MFSD6: variants seen among roughly 807,000 people sequenced by gnomAD.
MFSD6 encodes major facilitator superfamily domain-containing protein 6.
In MFSD6, 26 loss-of-function variants were observed where a neutral mutation model predicts 56.3. That is an observed-to-expected ratio of 0.46 (90% CI 0.34 to 0.64). The LOEUF is 0.64. Ranked by LOEUF, MFSD6 falls within the 30% of genes least tolerant of loss-of-function variation. The probability of loss-of-function intolerance (pLI) is 0.01; values close to 1 mark genes in which losing one functional copy is unlikely to be tolerated. For missense variants in MFSD6, 750 were observed against 986.2 expected (o/e 0.76, Z 3.21); for synonymous variants, 331 against 366.9 (o/e 0.90, Z 1.12).
chr2:190,411,075 C>G, intron 1 of MFSD6: 3 of 972,166 alleles, frequency 3.1e-6, no homozygotes, highest in Non-Finnish European at 3.7e-6. Context: ...AAAAAAAAAA[C>G]TAGCTTCAGA....
At position 190,465,596 on chromosome 2, in the gene MFSD6, T is replaced by A. The variant is rs1204063484; in HGVS notation, c.1533-4162T>A. 1.3e-5 allele frequency among the ~76,000 whole-genome samples: 2 copies of A among 152,230 alleles called. No individual in the cohort carries two copies. Among genetic ancestry groups the A allele is most frequent in the Non-Finnish European group, 2.9e-5 (2 of 68,044 alleles). On this transcript the variant is annotated intron_variant, in intron 3 of 7. Transcript: ENST00000392328. This position sits in a 1 kb window ranked among gnomAD's most constrained non-coding sequence, Gnocchi z 4.6. Reference sequence around the variant, plus strand: ...GTCTAGAAAATGATCCAGTAAAATATGCTTTAAATTCCTTTATATTAGCAA... The same window carrying A: ...GTCTAGAAAATGATCCAGTAAAATAAGCTTTAAATTCCTTTATATTAGCAA...
rs1686177305 is a variant in MFSD6, at chr2:190,436,414, A to T, written c.385A>T (p.Lys129Ter). 1 of 1,614,022 alleles carries T rather than the reference A, an allele frequency of 6.2e-7. No individual in the cohort carries two copies. Among genetic ancestry groups the T allele is most frequent in the African/African-American group, 1.3e-5 (1 of 74,898 alleles). ...TTGGGGTGTAGTTGCAGACCGCTTTAAAAAAGGCAAAATTGTCCTCCTCTT... is the reference window on the plus strand; with the variant it reads ...TTGGGGTGTAGTTGCAGACCGCTTTTAAAAAGGCAAAATTGTCCTCCTCTT... The part of the protein sequence containing the change: ...PFWGVVADRF[K>*]KGKIVLLFSL... The change falls in exon 3 of 8, where the codon AAA (lysine) becomes TAA (stop). Residue 129 changes from lysine (K) to a stop codon, truncating the protein, a stop_gained. Transcript: ENST00000392328. LOFTEE classifies it high-confidence loss of function. This position sits in a 1 kb window ranked among gnomAD's most constrained non-coding sequence, Gnocchi z 5.3.
At chr2:190,493,071 TA>T in intron 6 of MFSD6, among the ~76,000 whole-genome samples, 2 of 152,214 alleles carry the variant, frequency 1.3e-5, no homozygotes. Flanking sequence ...ATGCTCCACT[TA>T]AAAGATACAG....
intron 3 of MFSD6, among the ~76,000 whole-genome samples, chr2:190,440,179 T>C (rs1686320152): frequency 6.6e-6 from 1 of 152,208 alleles, no homozygotes; most frequent in Admixed American, 6.5e-5. Flanking sequence ...AAATTCTTCA[T>C]CTAGAGTAAT....
chr2:190,481,964 G>A (rs920500448), intron 4 of MFSD6, among the ~76,000 whole-genome samples: 4 of 152,134 alleles, frequency 2.6e-5, no homozygotes, highest in East Asian at 1.9e-4. Context: ...CCTTTTCTTC[G>A]TGGACATGCA....
At position 190,501,066 on chromosome 2, in the gene MFSD6, A is replaced by G. The variant is rs1559149183; in HGVS notation, c.*848A>G. ...AGCCTCTCTCGCTATTTACTATCTT[A>G]TAGTAATTCAGGCTCTAATTAGCTG... On this transcript the variant is annotated 3_prime_UTR_variant, in exon 8 of 8. Transcript: ENST00000392328. The G allele has an allele frequency of 6.6e-6, 1 of 152,236 alleles. No individual in the cohort carries two copies. 9.4% of individuals were successfully genotyped at this position (152,236 alleles called of 1,614,324 possible).
chr2:190,427,635 T>C (rs1345977691), intron 2 of MFSD6, among the ~76,000 whole-genome samples: 1 of 152,236 alleles, frequency 6.6e-6, no homozygotes, highest in Non-Finnish European at 1.5e-5. Flanking sequence ...ATGTTTACTT[T>C]ATATATTATT....
At position 190,413,990 on chromosome 2, in the gene MFSD6, A is replaced by C. The variant is rs974750405; in HGVS notation, c.-175-1302A>C. ...TTAAGGTAGAACATACTTGGCCTCA[A>C]GGTACTTGGCTCAAGGTAGAGCAAA... On this transcript the variant is annotated intron_variant, in intron 1 of 7. Coordinates refer to ENST00000392328, the MANE Select transcript of MFSD6 (RefSeq NM_017694.4). The surrounding 1 kb of genome is among the most constrained non-coding windows in gnomAD (Gnocchi z 4.1). Among the ~76,000 whole-genome samples, 1 of 152,184 alleles carries C rather than the reference A, an allele frequency of 6.6e-6. No homozygotes were observed. Among genetic ancestry groups the C allele is most frequent in the African/African-American group, 2.4e-5 (1 of 41,450 alleles).
rs1292257471 is a variant in MFSD6 at position 190,426,558 on chromosome 2, T to C, written c.-53-9419T>C. Reference sequence around the variant, plus strand: ...TATTGTGTAGTTGTGGGGATTGGGCTTCTGCTGTACCCATCACCCAAATAT... The same window carrying C: ...TATTGTGTAGTTGTGGGGATTGGGCCTCTGCTGTACCCATCACCCAAATAT... On this transcript the variant is annotated intron_variant, in intron 2 of 7. Coordinates refer to ENST00000392328, the MANE Select transcript of MFSD6 (RefSeq NM_017694.4). This position sits in a 1 kb window ranked among gnomAD's most constrained non-coding sequence, Gnocchi z 4.7. Among the ~76,000 whole-genome samples, 1 of 152,212 alleles carries C rather than the reference T, an allele frequency of 6.6e-6. No homozygotes were observed. Among genetic ancestry groups the C allele is most frequent in the Non-Finnish European group, 1.5e-5 (1 of 68,036 alleles).
Position 190,438,420 on chromosome 2 carries a change from G to A in MFSD6, c.1532+859G>A, listed in dbSNP as rs576896760. ...AGTCCCAGCTACTCGGGAGGCTGAC[G>A]CACAAGAATCACTTGAACCCAGGAG... On this transcript the variant is annotated intron_variant, in intron 3 of 7. Transcript: ENST00000392328. The surrounding 1 kb of genome is among the most constrained non-coding windows in gnomAD (Gnocchi z 5.2). Among the ~76,000 whole-genome samples the A allele has an allele frequency of 1.3e-5, 2 of 152,240 alleles. No homozygotes were observed. The highest frequency in any genetic ancestry group is 1.9e-4 in the East Asian group (1 of 5,182).
In MFSD6 at chr2:190,492,892, CAA is replaced by C. The variant is rs1689440749; in HGVS notation, c.1891+3028_1891+3029del. Among the ~76,000 whole-genome samples the C allele has an allele frequency of 6.6e-6, 1 of 151,840 alleles. No homozygotes were observed. The highest frequency in any genetic ancestry group is 6.6e-5 in the Admixed American group (1 of 15,242). On this transcript the variant is annotated intron_variant, in intron 6 of 7. Transcript: ENST00000392328. This position sits in a 1 kb window ranked among gnomAD's most constrained non-coding sequence, Gnocchi z 5.2. ...CTGAAAGGAGCTCTAAATCTTGAAA[CAA>C]ATCCTGGAAACACATCCAAACAGAA...
Position 190,461,045 on chromosome 2 carries a change from T to G in MFSD6, c.1533-8713T>G, listed in dbSNP as rs1231151843. On this transcript the variant is annotated intron_variant, in intron 3 of 7. Transcript: ENST00000392328. This position sits in a 1 kb window ranked among gnomAD's most constrained non-coding sequence, Gnocchi z 5.5. ...TATGGCAACACTATTTCCTATGTCT[T>G]TCTTAACTCTTTGGACAACTAGATG... Among the ~76,000 whole-genome samples the G allele has an allele frequency of 1.3e-5, 2 of 152,240 alleles. No homozygotes were observed. The highest frequency in any genetic ancestry group is 2.9e-5 in the Non-Finnish European group (2 of 68,044).
intron 2 of MFSD6, among the ~76,000 whole-genome samples, chr2:190,430,092 T>G (rs1478665651): frequency 6.6e-6 from 1 of 151,034 alleles, no homozygotes. Context: ...TGAGAACATG[T>G]GGTGTTTGGT....
chr2:190,466,218 A>G (rs902918094), intron 3 of MFSD6, among the ~76,000 whole-genome samples: 7 of 152,156 alleles, frequency 4.6e-5, no homozygotes, highest in Admixed American at 1.3e-4. Context: ...TCCAAATACA[A>G]TCACATTTTG....
chr2:190,416,401 T>G lies in MFSD6; in HGVS notation c.-54+988T>G, dbSNP rs2124987303. ...AGATTTATGATGTTACAAATATAAG[T>G]AAAATGTTTCTACAGAATATTTTAT... is the stretch of plus-strand genomic sequence containing the variant. On this transcript the variant is annotated intron_variant, in intron 2 of 7. Transcript: ENST00000392328. This position sits in a 1 kb window ranked among gnomAD's most constrained non-coding sequence, Gnocchi z 4.1. 6.6e-6 allele frequency among the ~76,000 whole-genome samples: 1 copy of G among 152,358 alleles called. No homozygotes were observed. Among genetic ancestry groups the G allele is most frequent in the African/African-American group, 2.4e-5 (1 of 41,578 alleles).
chr2:190,408,592 G>A (rs918103479), intron 1 of MFSD6, 89 bp downstream of exon 1: 3 of 152,054 alleles, frequency 2.0e-5, no homozygotes, highest in Admixed American at 6.5e-5. Context: ...GGGCGGGTAG[G>A]CACCTCAGCC....
chr2:190,478,257 A>G (rs752792648), intron 4 of MFSD6, among the ~76,000 whole-genome samples: 3 of 152,178 alleles, frequency 2.0e-5, no homozygotes, highest in Non-Finnish European at 2.9e-5. Flanking sequence ...GAGGATCTGT[A>G]AATACAGCCT....
At chr2:190,483,680 C>T (rs574991240) in intron 4 of MFSD6, among the ~76,000 whole-genome samples, 35 of 151,854 alleles carry the variant, frequency 2.3e-4, no homozygotes, top group Non-Finnish European at 4.3e-4. Flanking sequence ...ACTAAGGGTA[C>T]GAAAATTAGC....
chr2:190,433,127 TG>T lies in MFSD6; in HGVS notation c.-53-2847del, dbSNP rs2125042024. Among the ~76,000 whole-genome samples, 1 of 152,320 alleles carries T rather than the reference TG, an allele frequency of 6.6e-6. No individual in the cohort carries two copies. The highest frequency in any genetic ancestry group is 1.9e-4 in the East Asian group (1 of 5,192). ...GACTTTTACAGTGTGTGTGTATGTT[TG>T]GGTGTGTGTGTGTTTATTGTCATTT... On this transcript the variant is annotated intron_variant, in intron 2 of 7. Coordinates refer to ENST00000392328, the MANE Select transcript of MFSD6 (RefSeq NM_017694.4). The surrounding 1 kb of genome is among the most constrained non-coding windows in gnomAD (Gnocchi z 4.5).
Sources: allele counts gnomAD v4.1 joint callset (sites outside exome capture counted in the v4.1 genomes callset), GRCh38; gene constraint gnomAD v4.1.1; non-coding constraint Gnocchi (gnomAD v3.1); transcripts MANE v1.5; gene names NCBI Gene and HGNC (gene_info 2026-07-23, HGNC 2026-07-21).